Variants in ADAM7 observed in about 807,000 individuals in gnomAD.
The protein encoded by ADAM7 is disintegrin and metalloproteinase domain-containing protein 7.
A neutral mutation model predicts 102.9 loss-of-function variants in ADAM7; 97 were observed. That is an observed-to-expected ratio of 0.94 (90% CI 0.80 to 1.12). The LOEUF (loss-of-function observed/expected upper bound fraction) is 1.12. Ranked by LOEUF, ADAM7 falls within the 50% of genes most tolerant of loss-of-function variation. ADAM7 has a pLI of 0.00. For synonymous variants in ADAM7, 334 were observed against 304.4 expected, an observed-to-expected ratio of 1.10 and a Z score of -1.01; for missense variants, 991 against 908.7, an observed-to-expected ratio of 1.09 and a Z score of -1.16.
At position 24,476,433 on chromosome 8, in the gene ADAM7, T is replaced by C. The variant is rs1005068187; in HGVS notation, c.634T>C (p.Tyr212His). The change falls in exon 8 of 22, where the codon TAT (tyrosine) becomes CAT (histidine). Residue 212 changes from tyrosine (Y) to histidine (H), a missense_variant and splice_region_variant. Transcript: ENST00000175238. ...ATTAATATGATATTTATATTTCCAG[T>C]ATCGCAGAAATGGTCATCCTCACAA... ...ELFIVADDTVYRRNGHPHNKL... is the reference protein window; with the variant it reads ...ELFIVADDTVHRRNGHPHNKL... 2.0e-5 allele frequency: 32 copies of C among 1,596,990 alleles called. No homozygotes were observed. The highest frequency in any genetic ancestry group is 2.7e-5 in the Non-Finnish European group (31 of 1,167,814).
chr8:24,485,436 G>A, intron 10 of ADAM7, 75 bp downstream of exon 10: 4 of 1,357,660 alleles, frequency 2.9e-6, no homozygotes, highest in South Asian at 1.3e-5. Flanking sequence ...TCCATGGAAA[G>A]AGACTATGTA....
chr8:24,465,040 C>T (rs1376323475), intron 4 of ADAM7, among the ~76,000 whole-genome samples: 1 of 152,222 alleles, frequency 6.6e-6, no homozygotes, highest in Non-Finnish European at 1.5e-5. Context: ...CCGCCTTGGC[C>T]TCCCAAAGTG....
intron 3 of ADAM7, among the ~76,000 whole-genome samples, chr8:24,462,855 A>G (rs1421729804): frequency 6.6e-6 from 1 of 152,196 alleles, no homozygotes; most frequent in Admixed American, 6.5e-5. Context: ...TAACCTTTGA[A>G]GACTGACATG....
chr8:24,467,930 T>G (rs1396984664), intron 6 of ADAM7, among the ~76,000 whole-genome samples: 1 of 151,826 alleles, frequency 6.6e-6, no homozygotes, highest in Non-Finnish European at 1.5e-5. Context: ...CAGGCAGTAG[T>G]GGTGTGCGCC....
chr8:24,452,914 T>G (rs1438851756), intron 3 of ADAM7, among the ~76,000 whole-genome samples: 1 of 149,196 alleles, frequency 6.7e-6, no homozygotes, highest in African/African-American at 2.5e-5. Context: ...TTATGAAGCT[T>G]AGTTTGGCTG....
In ADAM7 at chr8:24,441,107, G is replaced by A. The variant is rs757451851; in HGVS notation, c.-2G>A. 1.2e-6 allele frequency: 2 copies of A among 1,613,560 alleles called. No individual in the cohort carries two copies. The highest frequency in any genetic ancestry group is 2.2e-5 in the South Asian group (2 of 91,068). On this transcript the variant is annotated 5_prime_UTR_variant, in exon 1 of 22. Transcript: ENST00000175238. ...TGCTCTCCTCTACCAGAATCACTCA[G>A]AATGCTTCCCGGGTGTATATTCTTG... is the stretch of plus-strand genomic sequence containing the variant.
intron 3 of ADAM7, among the ~76,000 whole-genome samples, chr8:24,453,470 C>A (rs937942186): frequency 6.6e-6 from 1 of 152,208 alleles, no homozygotes; most frequent in Non-Finnish European, 1.5e-5. Flanking sequence ...GCATTCTTCA[C>A]GTAGTTCTCG....
intron 8 of ADAM7, among the ~76,000 whole-genome samples, chr8:24,478,872 G>T (rs1260657269): frequency 6.6e-6 from 1 of 152,096 alleles, no homozygotes; most frequent in East Asian, 1.9e-4. Flanking sequence ...GCCTGAAATG[G>T]TACACTTCCT....
Position 24,490,782 on chromosome 8 carries a change from T to G in ADAM7, c.1267-17T>G, listed in dbSNP as rs1563391990. 1 of 1,609,336 alleles carries G rather than the reference T, an allele frequency of 6.2e-7. No individual in the cohort carries two copies. On this transcript the variant is annotated splice_polypyrimidine_tract_variant and intron_variant, in intron 12 of 21. Coordinates refer to ENST00000175238, the MANE Select transcript of ADAM7 (RefSeq NM_003817.4). ...GTACATACCAATTTCTCATCTCTCT[T>G]TTGTGGTTATTGCCAGGAGTGTACT...
chr8:24,492,507 G>A lies in ADAM7; in HGVS notation c.1565G>A (p.Ser522Asn), dbSNP rs1473596349. Residue 522 changes from serine to asparagine, a missense_variant, in exon 15 of 22, where the codon AGT becomes AAT. Transcript: ENST00000175238. ...SELFDDEAIESHDICYKMNTK... is the reference protein window; with the variant it reads ...SELFDDEAIENHDICYKMNTK... ...TTTTTTACCCCAGAGGCAATAGAGA[G>A]TCATGATATCTGCTACAAGATGAAT... is the stretch of plus-strand genomic sequence containing the variant. The A allele has an allele frequency of 1.2e-6, 2 of 1,609,256 alleles. No individual in the cohort carries two copies. Among genetic ancestry groups the A allele is most frequent in the African/African-American group, 1.3e-5 (1 of 74,586 alleles).
intron 16 of ADAM7, among the ~76,000 whole-genome samples, 166 bp from the exon 17 acceptor site, chr8:24,499,070 T>C (rs995779363): frequency 2.0e-5 from 3 of 152,094 alleles, no homozygotes; most frequent in Admixed American, 2.0e-4. Context: ...ACATGTGGAA[T>C]TTTACAGTAG....
chr8:24,459,762 A>T (rs1819173205), intron 3 of ADAM7, among the ~76,000 whole-genome samples: 1 of 151,674 alleles, frequency 6.6e-6, no homozygotes. Context: ...ACCTGACCTG[A>T]TTTTTCTTTA....
intron 8 of ADAM7, among the ~76,000 whole-genome samples, chr8:24,477,301 C>T (rs1447484847): frequency 6.6e-6 from 1 of 152,156 alleles, no homozygotes; most frequent in Admixed American, 6.5e-5. Flanking sequence ...ATGCACGGCT[C>T]ACACTTCAGT....
chr8:24,478,009 T>TC (rs34262118), intron 8 of ADAM7, among the ~76,000 whole-genome samples: 3,125 of 152,202 alleles, frequency 0.021, 121 homozygotes, highest in African/African-American at 0.072. Context: ...AGCTTGTTTT[T>TC]CACTATATTC....
rs370769372 is a variant in ADAM7, at chr8:24,477,569, A to AGT, written c.705+1089_705+1090dup. On this transcript the variant is annotated intron_variant, in intron 8 of 21. Coordinates refer to ENST00000175238, the MANE Select transcript of ADAM7 (RefSeq NM_003817.4). Reference sequence around the variant, plus strand: ...TGTGTCCCTTGGGCATACCCTCATCAGTGTGTGTGTGTGTGTGTGTGTGTG... The same window carrying AGT: ...TGTGTCCCTTGGGCATACCCTCATCAGTGTGTGTGTGTGTGTGTGTGTGTGTG... 6.5e-3 allele frequency among the ~76,000 whole-genome samples: 950 copies of AGT among 145,668 alleles called. 4 individuals are homozygous for AGT. Among genetic ancestry groups the AGT allele is most frequent in the Middle Eastern group, 0.01 (3 of 290 alleles).
At chr8:24,456,907 A>G (rs1819055728) in intron 3 of ADAM7, among the ~76,000 whole-genome samples, 1 of 152,112 alleles carries the variant, frequency 6.6e-6, no homozygotes, top group Non-Finnish European at 1.5e-5. Flanking sequence ...TAAAGCTTCT[A>G]TGAGTGTTCA....
intron 20 of ADAM7, among the ~76,000 whole-genome samples, chr8:24,505,002 A>G (rs981972685): frequency 6.6e-6 from 1 of 152,166 alleles, no homozygotes; most frequent in African/African-American, 2.4e-5. Context: ...GATTTTCAGG[A>G]AAGAAACCGC....
At chr8:24,507,576 T>G (rs1267493824) in intron 21 of ADAM7, 41 bp downstream of exon 21, 1 of 1,511,340 alleles carries the variant, frequency 6.6e-7, no homozygotes, top group South Asian at 1.1e-5. Context: ...TTTTTATTTT[T>G]CAAATGCTGG....
chr8:24,473,937 C>G (rs1325016568), intron 7 of ADAM7, among the ~76,000 whole-genome samples: 1 of 151,840 alleles, frequency 6.6e-6, no homozygotes, highest in Non-Finnish European at 1.5e-5. Context: ...AACACTCATT[C>G]ATAATAAAAC....
Sources: allele counts gnomAD v4.1 joint callset (sites outside exome capture counted in the v4.1 genomes callset), GRCh38; gene constraint gnomAD v4.1.1; transcripts MANE v1.5; gene names NCBI Gene and HGNC (gene_info 2026-07-23, HGNC 2026-07-21).